FER: variants seen among roughly 807,000 people sequenced by gnomAD.
FER encodes the protein tyrosine-protein kinase Fer.
Under a neutral mutation model 111.0 loss-of-function variants are expected in FER, and 63 were observed. That is an observed-to-expected ratio of 0.57 (90% CI 0.46 to 0.70). The LOEUF (loss-of-function observed/expected upper bound fraction) is 0.70, where lower values mean the gene tolerates loss of function less well. Among genes scored for constraint, FER ranks in the 30% least tolerant of loss-of-function variants. FER has a pLI of 0.00. For synonymous variants in FER, 327 were observed against 313.9 expected (o/e 1.04, Z -0.44); for missense variants, 914 against 954.0 (o/e 0.96, Z 0.55).
intron 5 of FER, among the ~76,000 whole-genome samples, chr5:108,866,336 C>G (rs1764056544): frequency 6.6e-6 from 1 of 151,920 alleles, no homozygotes; most frequent in Non-Finnish European, 1.5e-5. Flanking sequence ...GTCACAAGGA[C>G]AAAAAACTAA....
intron 17 of FER, among the ~76,000 whole-genome samples, chr5:109,162,818 A>G (rs979304495): frequency 6.6e-6 from 1 of 152,142 alleles, no homozygotes; most frequent in African/African-American, 2.4e-5. Context: ...TGCATATTAT[A>G]TATTTGTAAG....
intron 17 of FER, among the ~76,000 whole-genome samples, chr5:109,161,410 C>T (rs575960165): frequency 6.6e-6 from 1 of 152,030 alleles, no homozygotes; most frequent in Non-Finnish European, 1.5e-5. Flanking sequence ...TCCTGACCCT[C>T]TCCCTCCTCC....
chr5:108,886,725 G>T (rs1230096569), intron 9 of FER, among the ~76,000 whole-genome samples: 1 of 151,614 alleles, frequency 6.6e-6, no homozygotes, highest in African/African-American at 2.4e-5. Flanking sequence ...CTTTTCAGGG[G>T]ATGAGACCTG....
chr5:108,842,970 C>T (rs1761427149), intron 5 of FER: 1 of 152,208 alleles, frequency 6.6e-6, no homozygotes, highest in South Asian at 2.1e-4. Flanking sequence ...CAGCACAATT[C>T]ACAATTGCAA....
At chr5:108,954,501 T>C (rs1271952730) in intron 11 of FER, among the ~76,000 whole-genome samples, 1 of 152,114 alleles carries the variant, frequency 6.6e-6, no homozygotes, top group East Asian at 1.9e-4. Flanking sequence ...ATGCTAATAT[T>C]GTGTCTACCT....
At chr5:109,135,138 CACAAAGTCAAGACA>C (rs1399413572) in intron 17 of FER, among the ~76,000 whole-genome samples, 7 of 152,092 alleles carry the variant, frequency 4.6e-5, no homozygotes, top group African/African-American at 1.4e-4. Context: ...ACCTGTGGAA[CACAAAGTCAAGACA>C]GGTGGGGAAA....
rs115668556 is a variant in FER, at chr5:109,072,326, G to T, written c.1924+25128G>T. 9.8e-3 allele frequency among the ~76,000 whole-genome samples: 1,483 copies of T among 151,056 alleles called. 20 individuals are homozygous for T. The highest frequency in any genetic ancestry group is 0.034 in the African/African-American group (1,414 of 41,320). On this transcript the variant is annotated intron_variant, in intron 16 of 19. Transcript: ENST00000281092. ...AAAGATAGTCTATCTAATGTATTAG[G>T]TTGGTGCAGAAGTAATCACACTTGT...
intron 17 of FER, among the ~76,000 whole-genome samples, chr5:109,131,903 G>T (rs114074191): frequency 1.2e-4 from 19 of 152,058 alleles, no homozygotes; most frequent in Non-Finnish European, 1.8e-4. Context: ...AATTAAAACC[G>T]CTTTGCTGTC....
chr5:109,053,680 AG>A (rs766310683), intron 16 of FER, among the ~76,000 whole-genome samples: 1 of 147,932 alleles, frequency 6.8e-6, no homozygotes, highest in Non-Finnish European at 1.5e-5. Flanking sequence ...TTTATTGCTG[AG>A]TGGAGTTCTA....
chr5:108,876,179 G>A (rs567343726), intron 8 of FER, among the ~76,000 whole-genome samples: 62 of 152,128 alleles, frequency 4.1e-4, no homozygotes, highest in Non-Finnish European at 6.5e-4. Context: ...AGCCCACGAG[G>A]CTAAGAATGC....
At chr5:109,074,659 C>G (rs1776123552) in intron 16 of FER, among the ~76,000 whole-genome samples, 1 of 152,198 alleles carries the variant, frequency 6.6e-6, no homozygotes, top group African/African-American at 2.4e-5. Context: ...GTCAGGAAAC[C>G]TGATTTCATA....
At chr5:109,132,241 G>T (rs1357594174) in intron 17 of FER, among the ~76,000 whole-genome samples, 1 of 152,092 alleles carries the variant, frequency 6.6e-6, no homozygotes, top group African/African-American at 2.4e-5. Context: ...GATATTATGG[G>T]CTGTGATTTC....
chr5:109,119,298 T>G (rs542379114), intron 17 of FER, among the ~76,000 whole-genome samples: 1,587 of 152,330 alleles, frequency 0.01, 22 homozygotes, highest in African/African-American at 0.036. Context: ...GGTTGTTCAG[T>G]TTCCATGTAG....
intron 16 of FER, among the ~76,000 whole-genome samples, chr5:109,058,247 T>C (rs1257384648): frequency 6.6e-6 from 1 of 152,158 alleles, no homozygotes; most frequent in Non-Finnish European, 1.5e-5. Flanking sequence ...GCTAACATTA[T>C]ATTTAATGAA....
intron 16 of FER, among the ~76,000 whole-genome samples, chr5:109,078,554 G>T (rs1242561316): frequency 6.6e-6 from 1 of 152,088 alleles, no homozygotes; most frequent in Non-Finnish European, 1.5e-5. Flanking sequence ...CAAGAAAGAG[G>T]AATATGCCTC....
chr5:108,924,924 A>G, intron 10 of FER: 3 of 671,294 alleles, frequency 4.5e-6, no homozygotes, highest in Non-Finnish European at 6.3e-6. Flanking sequence ...ATCTGGTGGT[A>G]AACAAAATTC....
rs149242159 is a variant in FER at position 109,027,361 on chromosome 5, T to TAA, written c.1657-10057_1657-10056dup. ...TGATTTAAAAATGAAAATGTTGAAT[T>TAA]AAAAATATAACTTCAGTCACATGGA... On this transcript the variant is annotated intron_variant, in intron 13 of 19. Transcript: ENST00000281092. Among the ~76,000 whole-genome samples the TAA allele has an allele frequency of 5.9e-3, 903 of 152,290 alleles. 6 individuals are homozygous for TAA. Among genetic ancestry groups the TAA allele is most frequent in the African/African-American group, 0.021 (865 of 41,558 alleles).
chr5:109,036,415 A>G (rs1770411328), intron 13 of FER, among the ~76,000 whole-genome samples: 1 of 152,150 alleles, frequency 6.6e-6, no homozygotes, highest in Non-Finnish European at 1.5e-5. Flanking sequence ...AGCACTTCAA[A>G]TAACTGTCCA....
intron 5 of FER, among the ~76,000 whole-genome samples, chr5:108,859,829 A>C (rs1334457983): frequency 6.6e-6 from 1 of 152,002 alleles, no homozygotes; most frequent in Non-Finnish European, 1.5e-5. Context: ...TGAACAGTTC[A>C]AAACCCATAA....
Sources: gnomAD v4.1 joint callset for allele counts (sites outside exome capture counted in the v4.1 genomes callset) on GRCh38, gnomAD v4.1.1 for gene constraint, MANE v1.5 for transcripts, NCBI Gene and HGNC (gene_info 2026-07-23, HGNC 2026-07-21) for gene names.